FSTL5: variants seen among roughly 807,000 people sequenced by gnomAD.
FSTL5 encodes the protein follistatin-related protein 5.
Under a neutral mutation model 89.1 loss-of-function variants are expected in FSTL5, and 62 were observed. That is an observed-to-expected ratio of 0.70 (90% CI 0.57 to 0.86). The LOEUF (loss-of-function observed/expected upper bound fraction) is 0.86, where lower values mean the gene tolerates loss of function less well. Among genes scored for constraint, FSTL5 ranks in the 40% least tolerant of loss-of-function variants. The pLI, the probability that FSTL5 is intolerant of heterozygous loss-of-function variation, is 0.00. For synonymous variants in FSTL5, 383 were observed against 346.2 expected (o/e 1.11, Z -1.18); for missense variants, 1,057 against 1,001.6 (o/e 1.06, Z -0.75).
At chr4:161,778,668 C>T (rs569128532) in intron 4 of FSTL5, among the ~76,000 whole-genome samples, 1 of 152,252 alleles carries the variant, frequency 6.6e-6, no homozygotes, top group East Asian at 1.9e-4. Flanking sequence ...CAGATTAAGT[C>T]AATTTTGTAT....
rs201509899 is a variant in FSTL5, at chr4:161,521,863, AAG to A, written c.1313-11441_1313-11440del. On this transcript the variant is annotated intron_variant, in intron 10 of 15. Transcript: ENST00000306100. The stretch of plus-strand genomic sequence containing the variant: ...GACTCCACCTCAAAAAAAAAAAAAA[AAG>A]AAAAAAAAAGAAAAAAAGGTTATGA... Among the ~76,000 whole-genome samples, 18 of 128,318 alleles carry A rather than the reference AAG, an allele frequency of 1.4e-4. 3 individuals are homozygous for A. Among genetic ancestry groups the A allele is most frequent in the African/African-American group, 2.9e-4 (11 of 37,480 alleles). 84.2% of individuals were successfully genotyped at this position (128,318 alleles called of 152,430 possible).
At chr4:161,593,704 C>A (rs10003379) in intron 7 of FSTL5, among the ~76,000 whole-genome samples, 62,669 of 151,840 alleles carry the variant, frequency 0.41, 13,636 homozygotes, top group East Asian at 0.58. Context: ...ATATTATATA[C>A]GATCAATCAT....
At chr4:161,480,827 T>C (rs990580508) in intron 13 of FSTL5, among the ~76,000 whole-genome samples, 193 bp downstream of exon 13, 2 of 150,642 alleles carry the variant, frequency 1.3e-5, no homozygotes, top group Non-Finnish European at 3.0e-5. Flanking sequence ...ACAAAAAAAT[T>C]AAATTATCTC....
chr4:161,484,095 T>C (rs548133558), intron 12 of FSTL5, among the ~76,000 whole-genome samples: 4 of 152,316 alleles, frequency 2.6e-5, no homozygotes, highest in Admixed American at 1.3e-4. Context: ...GTTACTCATA[T>C]CTGATTTGCT....
chr4:161,493,011 T>C (rs923578082), intron 12 of FSTL5, among the ~76,000 whole-genome samples: 6 of 151,890 alleles, frequency 4.0e-5, no homozygotes, highest in South Asian at 2.1e-4. Context: ...TTTTAAAATA[T>C]GGAAAAAAAT....
At chr4:162,105,597 TAAA>T (rs999852905) in intron 2 of FSTL5, among the ~76,000 whole-genome samples, 11 of 151,960 alleles carry the variant, frequency 7.2e-5, no homozygotes, top group Non-Finnish European at 1.5e-4. Context: ...CAGAAAAAAA[TAAA>T]AAATTTTTCA....
At chr4:161,902,768 G>C (rs1428934719) in intron 4 of FSTL5, among the ~76,000 whole-genome samples, 1 of 152,076 alleles carries the variant, frequency 6.6e-6, no homozygotes, top group Admixed American at 6.5e-5. Flanking sequence ...AGAATGGCGT[G>C]AACCCGGGAG....
rs147033733 is a variant in FSTL5 at position 161,698,376 on chromosome 4, G to C, written c.728-41882C>G. Among the ~76,000 whole-genome samples, 38 of 152,270 alleles carry C rather than the reference G, an allele frequency of 2.5e-4. 1 individual carries two copies. In the East Asian group the frequency reaches 7.0e-3, roughly 28 times the overall value. On this transcript the variant is annotated intron_variant, in intron 6 of 15. Coordinates refer to ENST00000306100, the MANE Select transcript of FSTL5 (RefSeq NM_020116.5). ...AGAGACTGAAGTGGCTGGCAGGTGG[G>C]TTGGGGAGATGTTAATTAAATGATG...
At chr4:161,667,569 G>A (rs147121251) in intron 6 of FSTL5, among the ~76,000 whole-genome samples, 1 of 152,200 alleles carries the variant, frequency 6.6e-6, no homozygotes, top group East Asian at 1.9e-4. Flanking sequence ...TTACAAGTGA[G>A]TTACTCCTTG....
chr4:162,018,232 A>G (rs1419002370), intron 3 of FSTL5, among the ~76,000 whole-genome samples: 1 of 152,140 alleles, frequency 6.6e-6, no homozygotes, highest in Non-Finnish European at 1.5e-5. Flanking sequence ...GGGCAAACCA[A>G]GGTGTGTGGG....
chr4:162,052,855 G>T (rs1738426844), intron 2 of FSTL5, among the ~76,000 whole-genome samples: 1 of 151,742 alleles, frequency 6.6e-6, no homozygotes, highest in Non-Finnish European at 1.5e-5. Context: ...TCATTGTGTT[G>T]TATAATAGAT....
intron 4 of FSTL5, among the ~76,000 whole-genome samples, chr4:161,860,188 T>A (rs1039028737): frequency 6.6e-6 from 1 of 151,984 alleles, no homozygotes; most frequent in Non-Finnish European, 1.5e-5. Context: ...CTCGGGAGGC[T>A]GAGGCAGGAG....
intron 3 of FSTL5, among the ~76,000 whole-genome samples, chr4:162,015,423 A>C (rs1158664300): frequency 6.6e-6 from 1 of 152,128 alleles, no homozygotes; most frequent in East Asian, 1.9e-4. Flanking sequence ...CATCATTTTC[A>C]AAATAGTTTC....
intron 4 of FSTL5, among the ~76,000 whole-genome samples, chr4:161,866,025 A>T (rs769058904): frequency 1.3e-5 from 2 of 152,232 alleles, no homozygotes; most frequent in Non-Finnish European, 1.5e-5. Context: ...AAGTATTCTA[A>T]GTGCTTCCAG....
intron 3 of FSTL5, among the ~76,000 whole-genome samples, chr4:162,004,633 C>T (rs1736563536): frequency 6.6e-6 from 1 of 152,170 alleles, no homozygotes; most frequent in Non-Finnish European, 1.5e-5. Flanking sequence ...ATTTCTTAGA[C>T]TACCACACAT....
intron 15 of FSTL5, among the ~76,000 whole-genome samples, chr4:161,435,980 T>G (rs890571203): frequency 2.6e-5 from 4 of 152,180 alleles, no homozygotes; most frequent in Non-Finnish European, 5.9e-5. Flanking sequence ...TTTATATGTG[T>G]TATTTTCTCT....
chr4:161,890,546 G>C (rs1732952645), intron 4 of FSTL5, among the ~76,000 whole-genome samples: 1 of 151,900 alleles, frequency 6.6e-6, no homozygotes, highest in Non-Finnish European at 1.5e-5. Flanking sequence ...AAATTAGCCA[G>C]TCGTGGTGGT....
Position 161,385,626 on chromosome 4 carries a change from C to A in FSTL5, c.*121G>T. On this transcript the variant is annotated 3_prime_UTR_variant, in exon 16 of 16. Transcript: ENST00000306100. ...CAAAAACAATTTATTTTATTTGGAC[C>A]AACCAAGTAAATTTTGTTTGACTAG... 2.9e-6 allele frequency: 2 copies of A among 691,342 alleles called. No individual in the cohort carries two copies. The highest frequency in any genetic ancestry group is 4.8e-6 in the Non-Finnish European group (2 of 414,252). 42.8% of individuals were successfully genotyped at this position (691,342 alleles called of 1,614,324 possible).
At chr4:161,594,425 A>C (rs988664950) in intron 7 of FSTL5, among the ~76,000 whole-genome samples, 1 of 152,120 alleles carries the variant, frequency 6.6e-6, no homozygotes, top group Non-Finnish European at 1.5e-5. Flanking sequence ...CCTAGAGAAT[A>C]TAGTCTTTCC....
Sources: gnomAD v4.1 joint callset for allele counts (sites outside exome capture counted in the v4.1 genomes callset) on GRCh38, gnomAD v4.1.1 for gene constraint, MANE v1.5 for transcripts, NCBI Gene and HGNC (gene_info 2026-07-23, HGNC 2026-07-21) for gene names.